Variants in KLHL1 observed in about 807,000 individuals in gnomAD.
KLHL1 encodes the protein kelch-like protein 1.
KLHL1 carries 47 observed loss-of-function variants against 77.7 expected under a neutral mutation model. The observed-to-expected ratio is 0.60, with a 90% CI of 0.48 to 0.77. The LOEUF is 0.77. KLHL1 is among the 30% of genes least tolerant of loss of function. KLHL1 has a pLI of 0.00. For missense variants in KLHL1, 925 were observed against 910.8 expected, an observed-to-expected ratio of 1.02 and a Z score of -0.20; for synonymous variants, 360 against 325.2, an observed-to-expected ratio of 1.11 and a Z score of -1.15.
At chr13:69,813,469 T>TAC (rs200355649) in intron 6 of KLHL1, among the ~76,000 whole-genome samples, 2,051 of 130,424 alleles carry the variant, frequency 0.016, 38 homozygotes, top group African/African-American at 0.057. Flanking sequence ...TACACACATA[T>TAC]ATACACACAC....
intron 1 of KLHL1, among the ~76,000 whole-genome samples, chr13:70,027,749 T>C (rs1162652955): frequency 6.7e-6 from 1 of 150,214 alleles, no homozygotes; most frequent in Non-Finnish European, 1.5e-5. Context: ...GAGAAACAAA[T>C]GTTTATTGTT....
chr13:69,994,445 C>A (rs1196701787), intron 1 of KLHL1, among the ~76,000 whole-genome samples: 1 of 152,096 alleles, frequency 6.6e-6, no homozygotes, highest in African/African-American at 2.4e-5. Context: ...GGAGCAGATA[C>A]TTTGCAATAT....
chr13:69,789,446 A>C, intron 7 of KLHL1, among the ~76,000 whole-genome samples: 1 of 152,130 alleles, frequency 6.6e-6, no homozygotes, highest in East Asian at 1.9e-4. Flanking sequence ...TTAAATCCAA[A>C]GTTTTCCTTG....
At chr13:69,912,637 G>C (rs149181651) in intron 4 of KLHL1, among the ~76,000 whole-genome samples, 46 of 152,170 alleles carry the variant, frequency 3.0e-4, no homozygotes, top group Middle Eastern at 3.4e-3. Context: ...ACTATATTGG[G>C]AGGTAGCAGG....
At chr13:69,755,727 C>T (rs1874694771) in intron 7 of KLHL1, among the ~76,000 whole-genome samples, 2 of 114,828 alleles carry the variant, frequency 1.7e-5, no homozygotes, top group African/African-American at 7.0e-5. Context: ...ATTATCTTGC[C>T]TCAGTCAGAT....
intron 1 of KLHL1, among the ~76,000 whole-genome samples, chr13:70,026,706 GT>G (rs1566510719): frequency 0.011 from 12 of 1,062 alleles, no homozygotes; most frequent in Admixed American, 0.03. Flanking sequence ...AACTTAGGGT[GT>G]GTGTGTGTGT....
intron 6 of KLHL1, among the ~76,000 whole-genome samples, chr13:69,803,872 C>T (rs937070349): frequency 6.6e-6 from 1 of 152,164 alleles, no homozygotes; most frequent in Admixed American, 6.5e-5. Flanking sequence ...ATTTTGTCAA[C>T]AATCAAAATA....
intron 1 of KLHL1, among the ~76,000 whole-genome samples, chr13:70,091,909 G>T (rs755923449): frequency 4.6e-5 from 7 of 151,786 alleles, no homozygotes; most frequent in Admixed American, 1.3e-4. Flanking sequence ...TTTTGCAACT[G>T]TTCCCTTCCT....
At chr13:69,964,645 A>T (rs1157882810) in intron 2 of KLHL1, among the ~76,000 whole-genome samples, 1 of 152,160 alleles carries the variant, frequency 6.6e-6, no homozygotes, top group Admixed American at 6.6e-5. Flanking sequence ...AGAATGCTAC[A>T]TAGACTGTTC....
At chr13:69,843,564 T>G (rs549686680) in intron 5 of KLHL1, among the ~76,000 whole-genome samples, 9 of 151,770 alleles carry the variant, frequency 5.9e-5, no homozygotes, top group Non-Finnish European at 7.4e-5. Flanking sequence ...TTCAGTACCA[T>G]GTAAAAATAA....
chr13:69,874,187 C>T (rs1007241747), intron 5 of KLHL1, among the ~76,000 whole-genome samples: 19 of 152,042 alleles, frequency 1.2e-4, no homozygotes, highest in African/African-American at 3.9e-4. Flanking sequence ...TTAGTGTTTT[C>T]CCTCTCACAG....
intron 8 of KLHL1, among the ~76,000 whole-genome samples, chr13:69,720,683 G>A (rs1873004751): frequency 1.3e-5 from 2 of 151,832 alleles, no homozygotes; most frequent in Non-Finnish European, 2.9e-5. Context: ...AAACTTGGAA[G>A]AGAGTGGTAG....
chr13:70,106,512 T>C (rs1027026339), intron 1 of KLHL1, among the ~76,000 whole-genome samples: 1 of 152,112 alleles, frequency 6.6e-6, no homozygotes, highest in African/African-American at 2.4e-5. Flanking sequence ...TATTGAGCTG[T>C]TTACCAAGGA....
At chr13:69,971,021 A>T (rs1280950852) in intron 2 of KLHL1, among the ~76,000 whole-genome samples, 1 of 152,018 alleles carries the variant, frequency 6.6e-6, no homozygotes, top group Non-Finnish European at 1.5e-5. Flanking sequence ...ACCATACCAT[A>T]TTTCAAAACT....
At chr13:69,815,939 C>A (rs983922173) in intron 6 of KLHL1, among the ~76,000 whole-genome samples, 1 of 151,390 alleles carries the variant, frequency 6.6e-6, no homozygotes, top group Non-Finnish European at 1.5e-5. Context: ...ATTAACTATA[C>A]CTTTTAAGAA....
At chr13:69,906,120 C>T (rs921987141) in intron 4 of KLHL1, among the ~76,000 whole-genome samples, 5 of 152,042 alleles carry the variant, frequency 3.3e-5, no homozygotes, top group Admixed American at 1.3e-4. Flanking sequence ...TTATTTCCTT[C>T]TCAATACCGC....
intron 4 of KLHL1, among the ~76,000 whole-genome samples, chr13:69,923,731 G>C (rs747146468): frequency 6.6e-6 from 1 of 152,172 alleles, no homozygotes; most frequent in African/African-American, 2.4e-5. Flanking sequence ...CAGCTGCTGC[G>C]ATGATGCCAG....
intron 1 of KLHL1, among the ~76,000 whole-genome samples, chr13:70,027,406 A>G (rs1000654078): frequency 3.3e-5 from 5 of 151,812 alleles, no homozygotes; most frequent in African/African-American, 7.3e-5. Context: ...CCCTTCATCC[A>G]TGAGTCCCAA....
At chr13:69,790,728 C>T (rs1876832198) in intron 7 of KLHL1, among the ~76,000 whole-genome samples, 1 of 151,912 alleles carries the variant, frequency 6.6e-6, no homozygotes, top group Non-Finnish European at 1.5e-5. Flanking sequence ...ACAGGAAAAT[C>T]CAATACCCTT....
Sources: allele counts gnomAD v4.1 joint callset (sites outside exome capture counted in the v4.1 genomes callset), GRCh38; gene constraint gnomAD v4.1.1; transcripts MANE v1.5; gene names NCBI Gene and HGNC (gene_info 2026-07-23, HGNC 2026-07-21).